Variants in NIPAL2 observed in about 807,000 individuals in gnomAD.
The protein encoded by NIPAL2 is NIPA like domain containing 2.
A neutral mutation model predicts 48.9 loss-of-function variants in NIPAL2; 43 were observed. The observed-to-expected ratio is 0.88, with a 90% confidence interval of 0.69 to 1.13. The LOEUF is 1.13. Among genes scored for constraint, NIPAL2 ranks in the 50% most tolerant of loss-of-function variants. The pLI, the probability that NIPAL2 is intolerant of heterozygous loss-of-function variation, is 0.00. For synonymous variants in NIPAL2, 167 were observed against 174.6 expected, an observed-to-expected ratio of 0.96 and a Z score of 0.34; for missense variants, 446 against 461.4, an observed-to-expected ratio of 0.97 and a Z score of 0.31.
intron 8 of NIPAL2, among the ~76,000 whole-genome samples, chr8:98,198,301 G>A (rs956739453): frequency 2.6e-5 from 4 of 152,186 alleles, no homozygotes; most frequent in African/African-American, 9.7e-5. Context: ...ATAAACAGAT[G>A]TGTTGTTATC....
Position 98,220,964 on chromosome 8 carries a change from CTTTTTTTTTTTTTTTT to C in NIPAL2, c.558+1499_558+1514del, listed in dbSNP as rs557824737. On this transcript the variant is annotated intron_variant, in intron 5 of 10. Coordinates refer to ENST00000430223, the MANE Select transcript of NIPAL2 (RefSeq NM_001321635.2). ...TATTTCTCTATCAGTTCATTTCATT[CTTTTTTTTTTTTTTTT>C]TTTTTTTTTTTTTTGACAGAGTTTT... Among the ~76,000 whole-genome samples the C allele has an allele frequency of 2.5e-3, 173 of 68,678 alleles. 3 individuals are homozygous for C. The highest frequency in any genetic ancestry group is 0.01 in the African/African-American group (160 of 15,700). The allele number at this position is 68,678 out of a possible 152,430, so 45.1% of individuals were successfully genotyped here. A position where few individuals can be genotyped will look rare whatever the true frequency, so the allele number is the denominator to read the frequency against.
chr8:98,286,256 C>T (rs919832115), intron 1 of NIPAL2, among the ~76,000 whole-genome samples: 2 of 152,148 alleles, frequency 1.3e-5, no homozygotes, highest in African/African-American at 4.8e-5. Context: ...ATTACCCAGT[C>T]TGTGGTATAC....
intron 5 of NIPAL2, among the ~76,000 whole-genome samples, chr8:98,213,363 C>T (rs1274397099): frequency 6.6e-6 from 1 of 152,130 alleles, no homozygotes; most frequent in East Asian, 1.9e-4. Context: ...CTTTCACTTG[C>T]TTGCTTTTTT....
At chr8:98,224,805 C>T (rs1812075954) in intron 4 of NIPAL2, among the ~76,000 whole-genome samples, 1 of 138,666 alleles carries the variant, frequency 7.2e-6, no homozygotes, top group African/African-American at 2.6e-5. Flanking sequence ...GTCACCCAGG[C>T]TGGAGTGCAG....
intron 4 of NIPAL2, among the ~76,000 whole-genome samples, chr8:98,235,831 T>A (rs1812680881): frequency 6.6e-6 from 1 of 151,548 alleles, no homozygotes; most frequent in Non-Finnish European, 1.5e-5. Context: ...GAAATTATAA[T>A]TCAGTGCATT....
chr8:98,215,776 C>G (rs186208876), intron 5 of NIPAL2, among the ~76,000 whole-genome samples: 9 of 152,248 alleles, frequency 5.9e-5, no homozygotes, highest in African/African-American at 1.9e-4. Context: ...TTTTCTGTAC[C>G]AGATCAGAGG....
At chr8:98,247,374 A>G (rs143884908) in intron 3 of NIPAL2, among the ~76,000 whole-genome samples, 1 of 152,198 alleles carries the variant, frequency 6.6e-6, no homozygotes, top group African/African-American at 2.4e-5. Context: ...CCTGGGTCTC[A>G]GTTAAATGGT....
At chr8:98,284,075 A>C (rs1816010317) in intron 1 of NIPAL2, among the ~76,000 whole-genome samples, 1 of 152,132 alleles carries the variant, frequency 6.6e-6, no homozygotes, top group South Asian at 2.1e-4. Context: ...CAAGCCCACT[A>C]TTCCTGGCAA....
intron 1 of NIPAL2, among the ~76,000 whole-genome samples, chr8:98,286,815 A>C (rs1156443834): frequency 7.4e-6 from 1 of 135,856 alleles, no homozygotes; most frequent in South Asian, 2.2e-4. Context: ...ACTCTGTCAA[A>C]AAAAAAAAAA....
intron 2 of NIPAL2, among the ~76,000 whole-genome samples, chr8:98,253,509 T>G (rs1813706315): frequency 6.6e-6 from 1 of 152,262 alleles, no homozygotes; most frequent in Non-Finnish European, 1.5e-5. Context: ...CAGCGATTTA[T>G]TCATGTTTCT....
At chr8:98,268,556 G>A (rs1290512233) in intron 1 of NIPAL2, among the ~76,000 whole-genome samples, 1 of 151,538 alleles carries the variant, frequency 6.6e-6, no homozygotes, top group East Asian at 1.9e-4. Context: ...GAGAGGTGGA[G>A]GTTGCAGTGA....
chr8:98,214,791 T>A (rs527313350), intron 5 of NIPAL2, among the ~76,000 whole-genome samples: 17 of 152,342 alleles, frequency 1.1e-4, no homozygotes, highest in African/African-American at 3.8e-4. Context: ...TTGTCTTTTC[T>A]TCTCCGGGTA....
At chr8:98,281,757 G>A (rs1017327368) in intron 1 of NIPAL2, among the ~76,000 whole-genome samples, 2 of 152,242 alleles carry the variant, frequency 1.3e-5, no homozygotes, top group African/African-American at 4.8e-5. Context: ...CCAGGGAATA[G>A]AGAAGACAGA....
intron 1 of NIPAL2, among the ~76,000 whole-genome samples, chr8:98,262,996 A>G (rs1225905240): frequency 6.7e-6 from 1 of 148,800 alleles, no homozygotes; most frequent in Non-Finnish European, 1.5e-5. Context: ...GCTCAACTAC[A>G]TGGAAACTGA....
intron 1 of NIPAL2, among the ~76,000 whole-genome samples, chr8:98,268,180 TC>T (rs1282634634): frequency 1.3e-5 from 2 of 152,220 alleles, no homozygotes; most frequent in African/African-American, 4.8e-5. Flanking sequence ...GTTGAGTCTT[TC>T]CTAGCCCTTC....
At chr8:98,247,715 C>T (rs1813381040) in intron 3 of NIPAL2, among the ~76,000 whole-genome samples, 1 of 152,120 alleles carries the variant, frequency 6.6e-6, no homozygotes, top group South Asian at 2.1e-4. Context: ...GGAGGGCCTG[C>T]GTAGGGTGTG....
intron 1 of NIPAL2, among the ~76,000 whole-genome samples, chr8:98,257,126 T>C (rs1478705018): frequency 3.3e-5 from 5 of 152,028 alleles, no homozygotes; most frequent in Non-Finnish European, 5.9e-5. Context: ...TGATGGGAAG[T>C]GGGGGTTGGG....
Position 98,221,754 on chromosome 8 carries a change from G to A in NIPAL2, c.558+725C>T, listed in dbSNP as rs560826966. Among the ~76,000 whole-genome samples the A allele has an allele frequency of 9.2e-5, 14 of 152,198 alleles. No individual in the cohort carries two copies. The East Asian group carries it at 1.4e-3, about 15-fold the overall frequency. On this transcript the variant is annotated intron_variant, in intron 5 of 10. Coordinates refer to ENST00000430223, the MANE Select transcript of NIPAL2 (RefSeq NM_001321635.2). ...AAACCACAGTGAGATACCATCTCACGCCAGTTAGAATGGCGATCATTAAAA... is the reference window on the plus strand; with the variant it reads ...AAACCACAGTGAGATACCATCTCACACCAGTTAGAATGGCGATCATTAAAA...
chr8:98,232,578 G>A (rs1458400998), intron 4 of NIPAL2, among the ~76,000 whole-genome samples: 1 of 152,092 alleles, frequency 6.6e-6, no homozygotes, highest in African/African-American at 2.4e-5. Flanking sequence ...ATCCTGTGAG[G>A]TATGTAATAT....
Sources: allele counts gnomAD v4.1 joint callset (sites outside exome capture counted in the v4.1 genomes callset), GRCh38; gene constraint gnomAD v4.1.1; transcripts MANE v1.5; gene names NCBI Gene and HGNC (gene_info 2026-07-23, HGNC 2026-07-21).